The following ANKS1B variants were observed in gnomAD, a reference collection of about 807,000 sequenced individuals.
The protein encoded by ANKS1B is ankyrin repeat and sterile alpha motif domain-containing protein 1B.
In ANKS1B, 36 loss-of-function variants were observed where a neutral mutation model predicts 148.3. The ratio of observed to expected loss-of-function variants is 0.24; its 90% CI spans 0.19 to 0.32. ANKS1B has a LOEUF of 0.32. Ranked by LOEUF, ANKS1B falls within the 10% of genes least tolerant of loss-of-function variation. The pLI, the probability that ANKS1B is intolerant of heterozygous loss-of-function variation, is 1.00. For synonymous variants in ANKS1B, 542 were observed against 560.8 expected (o/e 0.97, Z 0.47); for missense variants, 1,157 against 1,542.6 (o/e 0.75, Z 4.19).
At chr12:99,823,627 A>G (rs763102906) in intron 2 of ANKS1B, among the ~76,000 whole-genome samples, 3 of 152,128 alleles carry the variant, frequency 2.0e-5, no homozygotes, top group Non-Finnish European at 4.4e-5. Flanking sequence ...TTCTGTTGCA[A>G]TTGCTTTTGA....
chr12:99,928,061 T>C (rs2094516408), intron 1 of ANKS1B, among the ~76,000 whole-genome samples: 1 of 152,026 alleles, frequency 6.6e-6, no homozygotes, highest in Non-Finnish European at 1.5e-5. Flanking sequence ...ACTCTTGTTA[T>C]ATAGAAAACA....
intron 8 of ANKS1B, among the ~76,000 whole-genome samples, chr12:99,689,333 T>G (rs1338833929): frequency 6.6e-6 from 1 of 152,208 alleles, no homozygotes; most frequent in Non-Finnish European, 1.5e-5. Flanking sequence ...ATGTAGAGAT[T>G]AAGAACCAGG....
At chr12:99,724,083 C>G (rs2058376926) in intron 8 of ANKS1B, among the ~76,000 whole-genome samples, 1 of 151,892 alleles carries the variant, frequency 6.6e-6, no homozygotes, top group Non-Finnish European at 1.5e-5. Context: ...CCCAAAAGGC[C>G]AGAGTGCCTC....
intron 9 of ANKS1B, among the ~76,000 whole-genome samples, chr12:99,619,281 C>T (rs185928717): frequency 6.6e-6 from 1 of 151,246 alleles, no homozygotes; most frequent in Admixed American, 6.6e-5. Context: ...CCCCCTCACT[C>T]ACCTGAATCA....
At chr12:99,616,855 A>G (rs1327508346) in intron 9 of ANKS1B, among the ~76,000 whole-genome samples, 2 of 152,192 alleles carry the variant, frequency 1.3e-5, no homozygotes, top group African/African-American at 2.4e-5. Flanking sequence ...TGAACAGGCA[A>G]CCTACAGAAT....
At chr12:99,657,359 A>G (rs939009054) in intron 8 of ANKS1B, among the ~76,000 whole-genome samples, 1 of 152,174 alleles carries the variant, frequency 6.6e-6, no homozygotes, top group African/African-American at 2.4e-5. Flanking sequence ...AACCTGTGGA[A>G]GACAATATAC....
At chr12:98,875,500 T>C (rs953719414) in intron 17 of ANKS1B, among the ~76,000 whole-genome samples, 5 of 152,188 alleles carry the variant, frequency 3.3e-5, no homozygotes, top group Non-Finnish European at 7.3e-5. Flanking sequence ...GGCAGCTCTG[T>C]TGTCTGTTTG....
At chr12:99,131,556 C>G (rs540065453) in intron 15 of ANKS1B, among the ~76,000 whole-genome samples, 49 of 152,282 alleles carry the variant, frequency 3.2e-4, no homozygotes, top group African/African-American at 1.1e-3. Context: ...AACAACCAAC[C>G]GTTCCTGTAA....
At chr12:99,461,372 C>A (rs1024457977) in intron 10 of ANKS1B, among the ~76,000 whole-genome samples, 1 of 151,888 alleles carries the variant, frequency 6.6e-6, no homozygotes, top group East Asian at 1.9e-4. Flanking sequence ...GAAATCACCA[C>A]TAAAGAACTT....
At chr12:98,895,237 C>T (rs1279676611) in intron 17 of ANKS1B, 2 of 985,614 alleles carry the variant, frequency 2.0e-6, no homozygotes, top group Non-Finnish European at 2.4e-6. Context: ...GGGGCCTCCT[C>T]CTGGCTCCCA....
In ANKS1B at chr12:99,251,083, C is replaced by T. The variant is rs555532693; in HGVS notation, c.1757-4219G>A. On this transcript the variant is annotated intron_variant, in intron 12 of 26. Transcript: ENST00000683438. ...GGAGTCTCTCTTATAAGGTCTCTGT[C>T]CTCATGACTTAATCACCTACCAAAA... is the stretch of plus-strand genomic sequence containing the variant. Among the ~76,000 whole-genome samples the T allele has an allele frequency of 7.9e-5, 12 of 152,236 alleles. No individual in the cohort carries two copies. In the South Asian group the frequency reaches 2.5e-3, roughly 32 times the overall value.
At chr12:99,226,197 T>C (rs1178699340) in intron 14 of ANKS1B, among the ~76,000 whole-genome samples, 4 of 152,166 alleles carry the variant, frequency 2.6e-5, no homozygotes, top group Non-Finnish European at 4.4e-5. Context: ...TTTAATCTCT[T>C]GAGTAGCTTC....
chr12:99,470,048 G>A (rs1298297516), intron 10 of ANKS1B, among the ~76,000 whole-genome samples: 3 of 151,912 alleles, frequency 2.0e-5, no homozygotes, highest in South Asian at 2.1e-4. Context: ...GAGCTCAGGA[G>A]TTTTAGGCGG....
At chr12:99,807,455 A>G (rs916923249) in intron 3 of ANKS1B, among the ~76,000 whole-genome samples, 27 of 152,166 alleles carry the variant, frequency 1.8e-4, no homozygotes, top group Non-Finnish European at 3.8e-4. Context: ...CCTTCAGACT[A>G]TTTGAGCAAT....
At chr12:99,105,540 G>A (rs568445644) in intron 15 of ANKS1B, among the ~76,000 whole-genome samples, 4 of 148,178 alleles carry the variant, frequency 2.7e-5, no homozygotes, top group Admixed American at 1.4e-4. Context: ...AGGCCGAGGC[G>A]GGCGGATCAC....
intron 1 of ANKS1B, among the ~76,000 whole-genome samples, chr12:99,843,932 ATAACAGTCATTCTTACTGGTGTGAGATGG>A (rs1221339613): frequency 2.6e-5 from 4 of 152,056 alleles, no homozygotes; most frequent in African/African-American, 9.7e-5. Context: ...TAACTTTTTA[ATAACAGTCATTCTTACTGGTGTGAGATGG>A]TATCTCATGT....
At chr12:98,974,954 C>T (rs1336437195) in intron 17 of ANKS1B, among the ~76,000 whole-genome samples, 2 of 142,404 alleles carry the variant, frequency 1.4e-5, no homozygotes, top group African/African-American at 5.2e-5. Context: ...TCCTTCATTT[C>T]TTCCTTCTTT....
intron 14 of ANKS1B, among the ~76,000 whole-genome samples, chr12:99,234,391 T>C (rs57040323): frequency 0.053 from 8,139 of 152,198 alleles, 660 homozygotes; most frequent in African/African-American, 0.17. Flanking sequence ...CTGGTACCAA[T>C]TGACTGGTGC....
intron 15 of ANKS1B, among the ~76,000 whole-genome samples, chr12:99,097,921 G>T (rs1245639391): frequency 6.6e-6 from 1 of 152,142 alleles, no homozygotes; most frequent in Non-Finnish European, 1.5e-5. Flanking sequence ...TGCTTTGGGG[G>T]AAATGTCATT....
Sources: gnomAD v4.1 joint callset for allele counts (sites outside exome capture counted in the v4.1 genomes callset) on GRCh38, gnomAD v4.1.1 for gene constraint, MANE v1.5 for transcripts, NCBI Gene and HGNC (gene_info 2026-07-23, HGNC 2026-07-21) for gene names.